SCAI: variants seen among roughly 807,000 people sequenced by gnomAD.
SCAI encodes suppressor of cancer cell invasion.
A neutral mutation model predicts 92.2 loss-of-function variants in SCAI; 24 were observed. The ratio of observed to expected loss-of-function variants is 0.26; its 90% confidence interval spans 0.19 to 0.37. The LOEUF (loss-of-function observed/expected upper bound fraction) is 0.37. Among genes scored for constraint, SCAI ranks in the 10% least tolerant of loss-of-function variants. The pLI, the probability that SCAI is intolerant of heterozygous loss-of-function variation, is 1.00. For synonymous variants in SCAI, 261 were observed against 258.6 expected, an observed-to-expected ratio of 1.01 and a Z score of -0.09; for missense variants, 450 against 736.2, an observed-to-expected ratio of 0.61 and a Z score of 4.50.
In SCAI at chr9:125,105,712, C is replaced by T. The variant is rs535337782; in HGVS notation, c.98+36921G>A. 5.3e-5 allele frequency among the ~76,000 whole-genome samples: 8 copies of T among 152,238 alleles called. No homozygotes were observed. The East Asian group carries it at 9.7e-4, about 18-fold the overall frequency. ...ACGTTTGGCATAGAGAAGGAAATTG[C>T]TTACATTACTATATTTTATCTCCAA... On this transcript the variant is annotated intron_variant, in intron 2 of 17. Coordinates refer to ENST00000336505, the MANE Select transcript of SCAI (RefSeq NM_001144877.3).
rs565835719 is a variant in SCAI at position 125,011,090 on chromosome 9, G to A, written c.862-7520C>T. On this transcript the variant is annotated intron_variant, in intron 9 of 17. Transcript: ENST00000336505. ...AAACCACAAAGATGGGGAAAAAACA[G>A]AGCAGAAAAACTGGAAACTCTAAAA... is the stretch of plus-strand genomic sequence containing the variant. Among the ~76,000 whole-genome samples the A allele has an allele frequency of 7.2e-5, 11 of 152,304 alleles. No homozygotes were observed. The South Asian group carries it at 2.3e-3, about 32-fold the overall frequency.
intron 2 of SCAI, among the ~76,000 whole-genome samples, chr9:125,096,279 C>T (rs1834550184): frequency 6.6e-6 from 1 of 152,198 alleles, no homozygotes; most frequent in African/African-American, 2.4e-5. Flanking sequence ...CATCAGATCT[C>T]GTGAGACTTA....
chr9:125,081,811 C>T (rs975652399), intron 2 of SCAI, among the ~76,000 whole-genome samples: 3 of 151,986 alleles, frequency 2.0e-5, no homozygotes, highest in Non-Finnish European at 2.9e-5. Flanking sequence ...TCAGGCAATC[C>T]GCCCACCCCG....
chr9:125,002,643 C>T (rs1029653788), intron 11 of SCAI, among the ~76,000 whole-genome samples: 8 of 151,808 alleles, frequency 5.3e-5, no homozygotes, highest in South Asian at 2.1e-4. Context: ...CCACCACACC[C>T]GGCTAATTTT....
chr9:125,025,369 G>A (rs1296108668), intron 6 of SCAI, among the ~76,000 whole-genome samples: 1 of 152,154 alleles, frequency 6.6e-6, no homozygotes, highest in Non-Finnish European at 1.5e-5. Context: ...TAAAATTATG[G>A]CAATAAATCA....
chr9:125,042,670 T>C (rs866320054), intron 3 of SCAI, among the ~76,000 whole-genome samples: 2,395 of 105,262 alleles, frequency 0.023, 68 homozygotes, highest in African/African-American at 0.078. Flanking sequence ...CACACACATA[T>C]ACAAAAAGAA....
chr9:124,958,826 G>T (rs868062324), intron 17 of SCAI, among the ~76,000 whole-genome samples: 16 of 150,406 alleles, frequency 1.1e-4, no homozygotes, highest in Admixed American at 2.0e-4. Context: ...AGAATTGCTT[G>T]AATCCGGGAG....
At position 125,057,087 on chromosome 9, in the gene SCAI, T is replaced by C. The variant is rs185167365; in HGVS notation, c.99-1080A>G. 9.8e-5 allele frequency among the ~76,000 whole-genome samples: 15 copies of C among 152,330 alleles called. No homozygotes were observed. In the East Asian group the frequency reaches 2.9e-3, roughly 29 times the overall value. ...GTGTTTACACACAGACAGAAATTCC[T>C]GGAACAACAGGAAAATTTGGTCCTG... On this transcript the variant is annotated intron_variant, in intron 2 of 17. Transcript: ENST00000336505.
At chr9:125,058,009 G>A (rs1456452681) in intron 2 of SCAI, among the ~76,000 whole-genome samples, 4 of 152,016 alleles carry the variant, frequency 2.6e-5, no homozygotes, top group Non-Finnish European at 5.9e-5. Context: ...TGAGGCAGGA[G>A]AGTCGACTGA....
chr9:125,062,744 G>A (rs956971161), intron 2 of SCAI, among the ~76,000 whole-genome samples: 9 of 151,568 alleles, frequency 5.9e-5, no homozygotes, highest in African/African-American at 1.2e-4. Flanking sequence ...AACAAAGGCC[G>A]GGTGAGGTGG....
chr9:125,121,790 T>C lies in SCAI; in HGVS notation c.98+20843A>G, dbSNP rs139883293. On this transcript the variant is annotated intron_variant, in intron 2 of 17. Coordinates refer to ENST00000336505, the MANE Select transcript of SCAI (RefSeq NM_001144877.3). ...ATTGCTTGAACCTGGGAGGTAGAGG[T>C]TGCAATGAGCCGGGAGATCATGCCA... Among the ~76,000 whole-genome samples, 943 of 151,948 alleles carry C rather than the reference T, an allele frequency of 6.2e-3. 3 individuals carry two copies. Among genetic ancestry groups the C allele is most frequent in the Non-Finnish European group, 9.0e-3 (613 of 67,972 alleles).
intron 2 of SCAI, among the ~76,000 whole-genome samples, chr9:125,074,795 A>C (rs1404450309): frequency 6.6e-6 from 1 of 151,902 alleles, no homozygotes. Context: ...ACCCGAAGTC[A>C]GGAGTTCGAG....
chr9:125,124,561 C>T (rs1835222748), intron 2 of SCAI, among the ~76,000 whole-genome samples: 1 of 152,200 alleles, frequency 6.6e-6, no homozygotes, highest in Non-Finnish European at 1.5e-5. Flanking sequence ...GAGAAGCTCC[C>T]TCTTGCTCAG....
chr9:124,947,200 CCTCT>C lies in SCAI; in HGVS notation c.*5603_*5606del, dbSNP rs200332948. The C allele has an allele frequency of 2.0e-5, 3 of 152,096 alleles. No individual in the cohort carries two copies. Among genetic ancestry groups the C allele is most frequent in the East Asian group, 1.9e-4 (1 of 5,198 alleles). 9.4% of individuals were successfully genotyped at this position (152,096 alleles called of 1,614,324 possible). ...TGATTAAAGCAATTTTTTTCCACAGCCTCTCTATTAAGCCCCAATATACATAATT... is the reference window on the plus strand; with the variant it reads ...TGATTAAAGCAATTTTTTTCCACAGCCTATTAAGCCCCAATATACATAATT... On this transcript the variant is annotated 3_prime_UTR_variant, in exon 18 of 18. Coordinates refer to ENST00000336505, the MANE Select transcript of SCAI (RefSeq NM_001144877.3).
At chr9:124,979,399 G>T (rs1181687551) in intron 14 of SCAI, among the ~76,000 whole-genome samples, 1 of 151,704 alleles carries the variant, frequency 6.6e-6, no homozygotes, top group Non-Finnish European at 1.5e-5. Context: ...AATTAGCCGG[G>T]CATGGTGGCG....
At chr9:125,008,267 C>T (rs1230812680) in intron 9 of SCAI, among the ~76,000 whole-genome samples, 1 of 152,156 alleles carries the variant, frequency 6.6e-6, no homozygotes, top group Non-Finnish European at 1.5e-5. Context: ...GCCTCAGTCT[C>T]CCAAGTAGCT....
intron 2 of SCAI, among the ~76,000 whole-genome samples, chr9:125,103,568 G>T (rs1023881583): frequency 6.6e-6 from 1 of 152,082 alleles, no homozygotes; most frequent in Non-Finnish European, 1.5e-5. Flanking sequence ...CTCAACAAGC[G>T]GTCCTTACTA....
chr9:125,081,689 C>T (rs927567617), intron 2 of SCAI, among the ~76,000 whole-genome samples: 1 of 152,210 alleles, frequency 6.6e-6, no homozygotes, highest in African/African-American at 2.4e-5. Context: ...TTTCCTGCCT[C>T]AACCTCCTGA....
chr9:125,021,012 C>T (rs181264956), intron 6 of SCAI, among the ~76,000 whole-genome samples: 1 of 152,138 alleles, frequency 6.6e-6, no homozygotes, highest in East Asian at 1.9e-4. Context: ...CTGTTAATTG[C>T]TAAAAGCACA....
Sources: allele counts gnomAD v4.1 joint callset (sites outside exome capture counted in the v4.1 genomes callset), GRCh38; gene constraint gnomAD v4.1.1; transcripts MANE v1.5; gene names NCBI Gene and HGNC (gene_info 2026-07-23, HGNC 2026-07-21).